TMC5: variants seen among roughly 807,000 people sequenced by gnomAD.
TMC5 encodes the protein transmembrane channel-like protein 5.
In TMC5, 86 loss-of-function variants were observed where a neutral mutation model predicts 110.5. The ratio of observed to expected loss-of-function variants is 0.78; its 90% CI spans 0.65 to 0.93. TMC5 has a LOEUF of 0.93. Among genes scored for constraint, TMC5 ranks in the 40% least tolerant of loss-of-function variants. The pLI is 0.00. For synonymous variants in TMC5, 455 were observed against 439.5 expected (o/e 1.04, Z -0.44); for missense variants, 1,144 against 1,222.8 (o/e 0.94, Z 0.96).
At chr16:19,482,250 G>C (rs1968636776) in intron 15 of TMC5, among the ~76,000 whole-genome samples, 1 of 151,988 alleles carries the variant, frequency 6.6e-6, no homozygotes. Context: ...TAGAGATGGG[G>C]TTTCATCATG....
intron 1 of TMC5, among the ~76,000 whole-genome samples, chr16:19,425,913 C>T (rs1048325838): frequency 1.3e-5 from 2 of 152,204 alleles, no homozygotes; most frequent in African/African-American, 4.8e-5. Context: ...TCTCAAACTC[C>T]TGACCTCAGG....
At chr16:19,456,930 C>T in intron 5 of TMC5, 2 of 1,614,200 alleles carry the variant, frequency 1.2e-6, no homozygotes, top group South Asian at 2.2e-5. Context: ...TTTTCAACAT[C>T]TTTGAATGAG....
intron 1 of TMC5, among the ~76,000 whole-genome samples, chr16:19,427,789 T>A (rs1967115558): frequency 6.6e-6 from 1 of 152,038 alleles, no homozygotes; most frequent in South Asian, 2.1e-4. Flanking sequence ...CATTGCCAAA[T>A]GTGCTCTCAG....
At chr16:19,445,794 A>G (rs887431369) in intron 4 of TMC5, among the ~76,000 whole-genome samples, 3 of 152,046 alleles carry the variant, frequency 2.0e-5, no homozygotes, top group African/African-American at 7.2e-5. Context: ...GACAGGATGC[A>G]TAGCCATGTA....
In TMC5 at chr16:19,469,881, G is replaced by A. The variant is rs145956875; in HGVS notation, c.1782+56G>A. On this transcript the variant is annotated intron_variant, in intron 10 of 21. Coordinates refer to ENST00000542583, the MANE Select transcript of TMC5 (RefSeq NM_001261841.2). Reference sequence around the variant, plus strand: ...TCGGCTGGTCTCCTTCCCTTCTCCAGTATACCTGTAACTTTTCTTTTTTTT... The same window carrying A: ...TCGGCTGGTCTCCTTCCCTTCTCCAATATACCTGTAACTTTTCTTTTTTTT... 6.7e-3 allele frequency: 10,409 copies of A among 1,560,388 alleles called. 44 individuals carry two copies. Among genetic ancestry groups the A allele is most frequent in the Middle Eastern group, 0.022 (125 of 5,812 alleles).
In TMC5 at chr16:19,472,222, C is replaced by A; in HGVS notation, c.1917C>A (p.Tyr639Ter). ...VAIACCAAVY[Y>*]LAEYNLEFLK... Reference sequence around the variant, plus strand: ...TAGCCTGCTGTGCAGCCGTTTATTACCTGGCTGAGTACAACTTAGAGGTAA... The same window carrying A: ...TAGCCTGCTGTGCAGCCGTTTATTAACTGGCTGAGTACAACTTAGAGGTAA... The change falls in exon 11 of 22, where the codon TAC becomes TAA. Residue 639 changes from tyrosine (Y) to a stop codon, truncating the protein, a stop_gained. Coordinates refer to ENST00000542583, the MANE Select transcript of TMC5 (RefSeq NM_001261841.2). LOFTEE classifies it high-confidence loss of function. 1 of 1,614,000 alleles carries A rather than the reference C, an allele frequency of 6.2e-7. No homozygotes were observed. Among genetic ancestry groups the A allele is most frequent in the Non-Finnish European group, 8.5e-7 (1 of 1,179,978 alleles).
At chr16:19,473,561 T>C (rs1968405588) in intron 11 of TMC5, among the ~76,000 whole-genome samples, 1 of 152,066 alleles carries the variant, frequency 6.6e-6, no homozygotes, top group Admixed American at 6.6e-5. Flanking sequence ...CTCAGGCTCC[T>C]GAGTCAGACA....
At chr16:19,472,638 G>T (rs1219418938) in intron 11 of TMC5, among the ~76,000 whole-genome samples, 1 of 152,190 alleles carries the variant, frequency 6.6e-6, no homozygotes, top group African/African-American at 2.4e-5. Flanking sequence ...CTGGGGCCAG[G>T]CCTTGCCTTG....
At chr16:19,468,472 C>T (rs977306225) in intron 9 of TMC5, among the ~76,000 whole-genome samples, 1 of 150,698 alleles carries the variant, frequency 6.6e-6, no homozygotes, top group Non-Finnish European at 1.5e-5. Flanking sequence ...AATAATCTCC[C>T]CCGACCCCCC....
At chr16:19,436,283 AAG>A (rs1967345229) in intron 2 of TMC5, among the ~76,000 whole-genome samples, 1 of 151,136 alleles carries the variant, frequency 6.6e-6, no homozygotes, top group African/African-American at 2.4e-5. Flanking sequence ...GAAAAAAAAA[AAG>A]AAAGGAAAAA....
At chr16:19,427,823 A>G (rs1967116626) in intron 1 of TMC5, among the ~76,000 whole-genome samples, 1 of 150,410 alleles carries the variant, frequency 6.6e-6, no homozygotes, top group East Asian at 2.0e-4. Context: ...CCCACTTGAG[A>G]ACCACTGCTC....
At chr16:19,486,862 T>C in intron 15 of TMC5, 83 bp from the exon 16 acceptor site, 1 of 1,248,682 alleles carries the variant, frequency 8.0e-7, no homozygotes, top group Non-Finnish European at 1.2e-6. Flanking sequence ...ATATCTTCTT[T>C]CTCTTCCCCC....
intron 12 of TMC5, 57 bp downstream of exon 12, chr16:19,474,333 G>C (rs575106518): frequency 1.3e-6 from 2 of 1,571,034 alleles, no homozygotes; most frequent in African/African-American, 2.7e-5. Context: ...GAAGTGGGAT[G>C]GCAGCTAGAA....
At chr16:19,481,534 A>G (rs1968619800) in intron 15 of TMC5, 69 bp downstream of exon 15, 2 of 1,130,106 alleles carry the variant, frequency 1.8e-6, no homozygotes, top group African/African-American at 1.5e-5. Flanking sequence ...TTTTGGTGGC[A>G]AAGTCCCAGA....
Position 19,482,849 on chromosome 16 carries a change from C to CTTAT in TMC5, c.2363+1407_2363+1410dup, listed in dbSNP as rs535102307. 6.7e-3 allele frequency among the ~76,000 whole-genome samples: 1,013 copies of CTTAT among 151,832 alleles called. 9 individuals carry two copies. Among genetic ancestry groups the CTTAT allele is most frequent in the African/African-American group, 0.02 (818 of 41,408 alleles). On this transcript the variant is annotated intron_variant, in intron 15 of 21. Coordinates refer to ENST00000542583, the MANE Select transcript of TMC5 (RefSeq NM_001261841.2). ...AACAATTAGCCAGTGGCTGTGTTTC[C>CTTAT]TTATTTATTTATTTATTTATTTATT...
intron 14 of TMC5, among the ~76,000 whole-genome samples, chr16:19,479,841 C>T (rs1422952580): frequency 6.6e-6 from 1 of 151,786 alleles, no homozygotes; most frequent in Non-Finnish European, 1.5e-5. Context: ...CGCCTGTAAT[C>T]CCAACACTTT....
At chr16:19,470,993 G>A (rs187511455) in intron 10 of TMC5, among the ~76,000 whole-genome samples, 102 of 152,100 alleles carry the variant, frequency 6.7e-4, no homozygotes, top group Middle Eastern at 3.4e-3. Context: ...CCAAGATCGC[G>A]CCACTGCACT....
chr16:19,459,115 T>G (rs1229528422), intron 5 of TMC5, among the ~76,000 whole-genome samples: 2 of 151,948 alleles, frequency 1.3e-5, no homozygotes, highest in African/African-American at 4.8e-5. Context: ...CAGAGGACAT[T>G]GGCTAATGCT....
rs1211006155 is a variant in TMC5, at chr16:19,433,607, C to A, written c.-80+2967C>A. On this transcript the variant is annotated intron_variant, in intron 2 of 21. Coordinates refer to ENST00000542583, the MANE Select transcript of TMC5 (RefSeq NM_001261841.2). ...TGATAAATTATTTTCAGAAATTGATCTTGGGAGGAAGTGTAGTCCTCTTGA... is the reference window on the plus strand; with the variant it reads ...TGATAAATTATTTTCAGAAATTGATATTGGGAGGAAGTGTAGTCCTCTTGA... Among the ~76,000 whole-genome samples, 4 of 152,090 alleles carry A rather than the reference C, an allele frequency of 2.6e-5. No individual in the cohort carries two copies. In the East Asian group the frequency reaches 5.8e-4, roughly 22 times the overall value.
Sources: allele counts gnomAD v4.1 joint callset (sites outside exome capture counted in the v4.1 genomes callset), GRCh38; gene constraint gnomAD v4.1.1; transcripts MANE v1.5; gene names NCBI Gene and HGNC (gene_info 2026-07-23, HGNC 2026-07-21).